Variants in WIPF3 observed in about 807,000 individuals in gnomAD.
The protein encoded by WIPF3 is WAS/WASL interacting protein family member 3.
In WIPF3, 33 loss-of-function variants were observed where a neutral mutation model predicts 38.9. The observed-to-expected ratio is 0.85, with a 90% CI of 0.64 to 1.14. WIPF3 has a LOEUF of 1.14. Ranked by LOEUF, WIPF3 falls within the 50% of genes most tolerant of loss-of-function variation. WIPF3 has a pLI of 0.00. For missense variants in WIPF3, 711 were observed against 652.5 expected, an observed-to-expected ratio of 1.09 and a Z score of -0.98; for synonymous variants, 324 against 269.3, an observed-to-expected ratio of 1.20 and a Z score of -1.99.
intron 2 of WIPF3, among the ~76,000 whole-genome samples, chr7:29,866,150 C>T (rs1335572353): frequency 6.6e-6 from 1 of 152,028 alleles, no homozygotes; most frequent in Non-Finnish European, 1.5e-5. Context: ...CAGAGCAAGA[C>T]TCTGTCTCAA....
chr7:29,813,402 C>T (rs1784410434), intron 1 of WIPF3, among the ~76,000 whole-genome samples: 1 of 152,178 alleles, frequency 6.6e-6, no homozygotes, highest in Non-Finnish European at 1.5e-5. Context: ...GCATTGTGAG[C>T]TTCCTGCCAC....
intron 2 of WIPF3, among the ~76,000 whole-genome samples, chr7:29,868,442 T>A (rs905212827): frequency 1.3e-5 from 2 of 152,050 alleles, no homozygotes; most frequent in Non-Finnish European, 2.9e-5. Flanking sequence ...ATTTGAAGGC[T>A]GTCTCAAAGA....
intron 7 of WIPF3, among the ~76,000 whole-genome samples, chr7:29,892,921 C>T (rs1339042712): frequency 2.6e-5 from 4 of 152,110 alleles, no homozygotes; most frequent in East Asian, 1.9e-4. Context: ...CAAAGTTAGC[C>T]GGGTGTGGTG....
Position 29,884,540 on chromosome 7 carries a change from C to G in WIPF3, c.1046C>G (p.Pro349Arg). ...GGTGCGCAGGCCTTGCCCGCCCCGC[C>G]TGCCCCTCCGGGCTCCCAGCCGTTC... ...KAGAQALPAP[P>R]APPGSQPFLQ... Residue 349 changes from proline to arginine, a missense_variant, in exon 5 of 9, where the codon CCT becomes CGT. Physicochemically the swap from Pro to Arg is moderately radical, Grantham distance 103. Transcript: ENST00000242140. 1 of 1,599,376 alleles carries G rather than the reference C, an allele frequency of 6.3e-7. No individual in the cohort carries two copies. Among genetic ancestry groups the G allele is most frequent in the Non-Finnish European group, 8.5e-7 (1 of 1,174,416 alleles).
intron 2 of WIPF3, among the ~76,000 whole-genome samples, chr7:29,874,213 GTTCA>G (rs1188181423): frequency 1.3e-5 from 2 of 151,874 alleles, no homozygotes; most frequent in Non-Finnish European, 2.9e-5. Context: ...CCTGGGTCTA[GTTCA>G]TTCATTCACT....
intron 2 of WIPF3, among the ~76,000 whole-genome samples, chr7:29,862,175 A>G (rs76232597): frequency 6.6e-6 from 1 of 152,038 alleles, no homozygotes; most frequent in Non-Finnish European, 1.5e-5. Context: ...ATCCATTTAG[A>G]TTCCTTGCTG....
At chr7:29,863,470 T>C (rs1785334781) in intron 2 of WIPF3, among the ~76,000 whole-genome samples, 2 of 152,262 alleles carry the variant, frequency 1.3e-5, no homozygotes, top group Non-Finnish European at 2.9e-5. Context: ...TTGATTACTG[T>C]AGTTTACAGG....
intron 2 of WIPF3, among the ~76,000 whole-genome samples, chr7:29,870,014 T>G (rs1309853672): frequency 1.3e-5 from 2 of 152,152 alleles, no homozygotes; most frequent in Non-Finnish European, 2.9e-5. Flanking sequence ...AATAACATGA[T>G]CTGGGTAGTA....
chr7:29,838,950 T>C (rs953340248), intron 2 of WIPF3, among the ~76,000 whole-genome samples: 1 of 152,190 alleles, frequency 6.6e-6, no homozygotes, highest in African/African-American at 2.4e-5. Flanking sequence ...GAATACATGC[T>C]GTATGATCCC....
At position 29,882,163 on chromosome 7, in the gene WIPF3, A is replaced by G. The variant is rs561427885; in HGVS notation, c.356-1687A>G. Reference sequence around the variant, plus strand: ...ACACAGGATCCCCTACTTTTAACTGACTCACTTTAAGGGTTTTTGAATCTC... The same window carrying G: ...ACACAGGATCCCCTACTTTTAACTGGCTCACTTTAAGGGTTTTTGAATCTC... On this transcript the variant is annotated intron_variant, in intron 4 of 8. Transcript: ENST00000242140. Among the ~76,000 whole-genome samples the G allele has an allele frequency of 1.4e-4, 22 of 152,206 alleles. 1 individual carries two copies. The highest frequency in any genetic ancestry group is 5.1e-4 in the African/African-American group (21 of 41,518).
chr7:29,807,023 C>T (rs1784292419), intron 1 of WIPF3, among the ~76,000 whole-genome samples: 1 of 151,968 alleles, frequency 6.6e-6, no homozygotes, highest in African/African-American at 2.4e-5. Context: ...GCCCCTGGCA[C>T]CGAGGCCGCC....
At position 29,914,537 on chromosome 7, in the gene WIPF3, T is replaced by C. The variant is rs1462459775; in HGVS notation, c.*21T>C. On this transcript the variant is annotated 3_prime_UTR_variant, in exon 9 of 9. Coordinates refer to ENST00000242140, the MANE Select transcript of WIPF3 (RefSeq NM_001080529.3). ...GGTGAGAAGACAGATGAAGCGAAGG[T>C]CCTGGGGTTCCAGGTTGCAGAACAA... 1 of 1,505,442 alleles carries C rather than the reference T, an allele frequency of 6.6e-7. No individual in the cohort carries two copies. Among genetic ancestry groups the C allele is most frequent in the South Asian group, 1.3e-5 (1 of 75,096 alleles). 93.3% of individuals were successfully genotyped at this position (1,505,442 alleles called of 1,614,324 possible).
At chr7:29,830,371 A>G (rs568101424) in intron 1 of WIPF3, among the ~76,000 whole-genome samples, 42 of 152,266 alleles carry the variant, frequency 2.8e-4, no homozygotes, top group African/African-American at 1.0e-3. Flanking sequence ...GGAAGCAGGG[A>G]TATAACTTGA....
chr7:29,839,537 G>A (rs1406791753), intron 2 of WIPF3, among the ~76,000 whole-genome samples: 3 of 152,194 alleles, frequency 2.0e-5, no homozygotes, highest in Non-Finnish European at 4.4e-5. Context: ...GCGTCACCCT[G>A]TGGTAATCTG....
At chr7:29,850,845 G>A (rs1785082810) in intron 2 of WIPF3, among the ~76,000 whole-genome samples, 1 of 149,756 alleles carries the variant, frequency 6.7e-6, no homozygotes, top group Non-Finnish European at 1.5e-5. Flanking sequence ...TGTGTCAGGT[G>A]GACCTGGCTC....
At chr7:29,851,163 T>C (rs1785089022) in intron 2 of WIPF3, among the ~76,000 whole-genome samples, 1 of 152,132 alleles carries the variant, frequency 6.6e-6, no homozygotes, top group African/African-American at 2.4e-5. Context: ...TTGCCGGCCA[T>C]GTCACCTTCT....
At chr7:29,909,404 G>A (rs1020105371) in intron 8 of WIPF3, among the ~76,000 whole-genome samples, 1 of 152,146 alleles carries the variant, frequency 6.6e-6, no homozygotes, top group Non-Finnish European at 1.5e-5. Context: ...CCTTTAGTTA[G>A]ATAGACTAAG....
intron 7 of WIPF3, among the ~76,000 whole-genome samples, chr7:29,891,509 A>G (rs754337011): frequency 1.3e-5 from 2 of 149,594 alleles, no homozygotes; most frequent in Non-Finnish European, 2.9e-5. Flanking sequence ...CTCTGAGTTG[A>G]GAGAGAGAGA....
At chr7:29,830,095 T>C (rs1227119477) in intron 1 of WIPF3, among the ~76,000 whole-genome samples, 1 of 115,706 alleles carries the variant, frequency 8.6e-6, no homozygotes, top group East Asian at 2.3e-4. Context: ...TTAATTATTG[T>C]ATCTGGAAAA....
Sources: allele counts gnomAD v4.1 joint callset (sites outside exome capture counted in the v4.1 genomes callset), GRCh38; gene constraint gnomAD v4.1.1; transcripts MANE v1.5; gene names NCBI Gene and HGNC (gene_info 2026-07-23, HGNC 2026-07-21).